CFAP251: variants seen among roughly 807,000 people sequenced by gnomAD.
CFAP251 encodes cilia- and flagella-associated protein 251.
In CFAP251, 93 loss-of-function variants were observed where a neutral mutation model predicts 126.7. The ratio of observed to expected loss-of-function variants is 0.73; its 90% CI spans 0.62 to 0.87. The LOEUF (loss-of-function observed/expected upper bound fraction) is 0.87. CFAP251 is among the 40% of genes least tolerant of loss of function. The probability of loss-of-function intolerance (pLI) is 0.00; values close to 1 mark genes in which losing one functional copy is unlikely to be tolerated. For missense variants in CFAP251, 1,287 were observed against 1,389.2 expected, an observed-to-expected ratio of 0.93 and a Z score of 1.17; for synonymous variants, 503 against 506.9, an observed-to-expected ratio of 0.99 and a Z score of 0.10.
intron 19 of CFAP251, among the ~76,000 whole-genome samples, chr12:121,978,244 A>G (rs1882520380): frequency 1.3e-5 from 2 of 150,672 alleles, no homozygotes; most frequent in South Asian, 4.2e-4. Context: ...AATACAAAAA[A>G]TAAGCCGAGC....
intron 8 of CFAP251, chr12:121,950,254 T>A (rs1000042344): frequency 1.3e-5 from 2 of 152,210 alleles, no homozygotes; most frequent in African/African-American, 4.8e-5. Flanking sequence ...TTCTATGGAA[T>A]GTCCAGCATA....
chr12:121,968,134 C>T lies in CFAP251; in HGVS notation c.2736C>T (p.His912=), dbSNP rs765683747. The T allele has an allele frequency of 9.3e-6, 15 of 1,611,070 alleles. No individual in the cohort carries two copies. Among genetic ancestry groups the T allele is most frequent in the East Asian group, 4.5e-5 (2 of 44,772 alleles). Residue 912 remains histidine, a synonymous_variant, in exon 17 of 22, where the codon CAC becomes CAT. Coordinates refer to ENST00000288912, the MANE Select transcript of CFAP251 (RefSeq NM_144668.6). ...DGCYAFTAGG[H]DRSVVQWKIT... is the part of the protein sequence containing the mutation. ...GCTACGCCTTCACTGCGGGAGGGCA[C>T]GATCGCTCGGTGGTGCAGTGGAAAA... is the stretch of plus-strand genomic sequence containing the variant.
chr12:121,929,704 G>T (rs1392823618), intron 3 of CFAP251, among the ~76,000 whole-genome samples: 2 of 151,206 alleles, frequency 1.3e-5, no homozygotes, highest in Admixed American at 1.3e-4. Flanking sequence ...TTGAGACAGG[G>T]TCTTGCTCTG....
At chr12:121,944,513 G>A (rs1881242929) in intron 7 of CFAP251, among the ~76,000 whole-genome samples, 2 of 152,170 alleles carry the variant, frequency 1.3e-5, no homozygotes, top group African/African-American at 2.4e-5. Flanking sequence ...CAATCCATGA[G>A]CATGGGATGC....
chr12:121,928,710 T>TG, intron 3 of CFAP251, among the ~76,000 whole-genome samples: 1 of 134,316 alleles, frequency 7.4e-6, no homozygotes, highest in Non-Finnish European at 1.6e-5. Context: ...ATATATTTTT[T>TG]TTTTGAGACA....
intron 19 of CFAP251, among the ~76,000 whole-genome samples, chr12:121,986,372 A>T (rs1404854610): frequency 6.8e-6 from 1 of 146,880 alleles, no homozygotes; most frequent in African/African-American, 2.5e-5. Flanking sequence ...ATCTCAGCTC[A>T]CTGCAAGCTC....
At chr12:121,929,044 C>T (rs549502408) in intron 3 of CFAP251, among the ~76,000 whole-genome samples, 21 of 151,998 alleles carry the variant, frequency 1.4e-4, no homozygotes, top group Admixed American at 4.6e-4. Context: ...AATTGAAGGC[C>T]GGGAGCAGTG....
At chr12:121,959,201 C>A in intron 13 of CFAP251, 107 bp downstream of exon 13, 1 of 1,190,886 alleles carries the variant, frequency 8.4e-7, no homozygotes, top group South Asian at 1.7e-5. Flanking sequence ...ATTTGGGAGG[C>A]CGAGGTGGGA....
At chr12:121,994,967 TA>T (rs141645865) in intron 19 of CFAP251, among the ~76,000 whole-genome samples, 41,102 of 150,072 alleles carry the variant, frequency 0.27, 6,257 homozygotes, top group East Asian at 0.49. Flanking sequence ...AAAAATAAAT[TA>T]AAAAAAAAAT....
At chr12:121,957,000 A>G (rs1881748471) in intron 10 of CFAP251, 74 bp from the exon 11 acceptor site, 1 of 1,183,510 alleles carries the variant, frequency 8.4e-7, no homozygotes, top group African/African-American at 1.6e-5. Flanking sequence ...AGAGCCTGAC[A>G]TATAATTAGG....
chr12:121,928,797 G>C (rs1880561558), intron 3 of CFAP251, among the ~76,000 whole-genome samples: 1 of 150,974 alleles, frequency 6.6e-6, no homozygotes, highest in African/African-American at 2.4e-5. Flanking sequence ...CCTAGGCTCA[G>C]TCAATCCTCC....
intron 2 of CFAP251, among the ~76,000 whole-genome samples, chr12:121,922,016 A>T (rs1486194978): frequency 6.6e-6 from 1 of 152,012 alleles, no homozygotes; most frequent in Non-Finnish European, 1.5e-5. Flanking sequence ...ACTGGTCTCA[A>T]ATGCATGATC....
At chr12:121,959,464 C>T (rs55672401) in intron 13 of CFAP251, 1,944 of 166,948 alleles carry the variant, frequency 0.012, 18 homozygotes, top group Middle Eastern at 0.029. Context: ...CTGTCCCTTC[C>T]GGCGCTCTCC....
In CFAP251 at chr12:121,989,156, A is replaced by G. The variant is rs1882817908; in HGVS notation, c.3007-10560A>G. Among the ~76,000 whole-genome samples the G allele has an allele frequency of 6.6e-6, 1 of 152,214 alleles. No individual in the cohort carries two copies. Among genetic ancestry groups the G allele is most frequent in the Non-Finnish European group, 1.5e-5 (1 of 68,028 alleles). ...AAATCCTTGATTGTGGGTTTGGTAC[A>G]AGGTGCAAGACTTGTCATTCAGCTA... On this transcript the variant is annotated intron_variant, in intron 19 of 21. Coordinates refer to ENST00000288912, the MANE Select transcript of CFAP251 (RefSeq NM_144668.6). This position sits in a 1 kb window ranked among gnomAD's most constrained non-coding sequence, Gnocchi z 4.2.
intron 15 of CFAP251, among the ~76,000 whole-genome samples, chr12:121,962,858 G>A (rs1029784467): frequency 6.6e-6 from 1 of 152,150 alleles, no homozygotes; most frequent in Admixed American, 6.6e-5. Context: ...CAGTGGATCA[G>A]CAAGGGCCAA....
At position 121,923,805 on chromosome 12, in the gene CFAP251, C is replaced by T. The variant is rs34703321; in HGVS notation, c.562C>T (p.Arg188Trp). 7.8e-3 allele frequency: 12,583 copies of T among 1,614,014 alleles called. 57 individuals carry two copies. The highest frequency in any genetic ancestry group is 9.7e-3 in the Non-Finnish European group (11,498 of 1,179,998). Residue 188 changes from arginine to tryptophan, a missense_variant, in exon 3 of 22, where the codon CGG becomes TGG. Coordinates refer to ENST00000288912, the MANE Select transcript of CFAP251 (RefSeq NM_144668.6). ...PSGELEEKTD[R>W]MPQDELGQER... ...AGGAGAGCTTGAGGAGAAAACCGAC[C>T]GGATGCCCCAAGATGAACTGGGACA...
In CFAP251 at chr12:121,975,290, T is replaced by C. The variant is rs77422261; in HGVS notation, c.2818T>C (p.Phe940Leu). Residue 940 changes from phenylalanine (F) to leucine (L), a missense_variant, in exon 18 of 22, where the codon TTC becomes CTC. By Grantham distance (22) the Phe-to-Leu change is conservative (BLOSUM62 0). Coordinates refer to ENST00000288912, the MANE Select transcript of CFAP251 (RefSeq NM_144668.6). ...VSLGGEDLTPFYGLLSGGREG... is the reference protein window; with the variant it reads ...VSLGGEDLTPLYGLLSGGREG... The stretch of plus-strand genomic sequence containing the variant: ...TCTTGGGGGTGAAGACTTGACCCCA[T>C]TCTATGGTCTGCTGTCTGGTGGCCG... 0.04 allele frequency: 64,527 copies of C among 1,613,970 alleles called. 3,212 individuals carry two copies. The highest frequency in any genetic ancestry group is 0.23 in the East Asian group (10,416 of 44,866).
intron 3 of CFAP251, among the ~76,000 whole-genome samples, chr12:121,931,398 C>T (rs1009596818): frequency 6.6e-6 from 1 of 152,048 alleles, no homozygotes; most frequent in African/African-American, 2.4e-5. Context: ...CTGCAACCTC[C>T]GCCTCCCGGG....
intron 19 of CFAP251, among the ~76,000 whole-genome samples, chr12:121,977,693 G>T (rs181641261): frequency 4.1e-5 from 6 of 145,662 alleles, no homozygotes; most frequent in East Asian, 2.1e-4. Flanking sequence ...TGGTGGCTCA[G>T]ACCTGTAATC....
Sources: allele counts gnomAD v4.1 joint callset (sites outside exome capture counted in the v4.1 genomes callset), GRCh38; gene constraint gnomAD v4.1.1; non-coding constraint Gnocchi (gnomAD v3.1); transcripts MANE v1.5; gene names NCBI Gene and HGNC (gene_info 2026-07-23, HGNC 2026-07-21).